CLRN1: variants seen among roughly 807,000 people sequenced by gnomAD.
The protein encoded by CLRN1 is clarin-1.
In CLRN1, 15 loss-of-function variants were observed where a neutral mutation model predicts 18.7. That is an observed-to-expected ratio of 0.80 (90% confidence interval 0.54 to 1.23). CLRN1 has a LOEUF of 1.23. CLRN1 is among the 50% of genes most tolerant of loss of function. The pLI is 0.00. For missense variants in CLRN1, 311 were observed against 277.5 expected, an observed-to-expected ratio of 1.12 and a Z score of -0.86; for synonymous variants, 104 against 102.9, an observed-to-expected ratio of 1.01 and a Z score of -0.07.
intron 2 of CLRN1, among the ~76,000 whole-genome samples, chr3:150,937,811 G>T (rs1240797617): frequency 6.6e-6 from 1 of 152,200 alleles, no homozygotes; most frequent in East Asian, 1.9e-4. Flanking sequence ...TGAGCCAGCT[G>T]TGTGACTGAA....
At chr3:150,943,386 C>T (rs559153199) in intron 1 of CLRN1, among the ~76,000 whole-genome samples, 4 of 152,250 alleles carry the variant, frequency 2.6e-5, no homozygotes, top group East Asian at 1.9e-4. Flanking sequence ...TATAAATACC[C>T]CAGACTCAGC....
chr3:150,972,489 A>G lies in CLRN1; in HGVS notation c.220T>C (p.Cys74Arg). 6.2e-7 allele frequency: 1 copy of G among 1,614,082 alleles called. No individual in the cohort carries two copies. Among genetic ancestry groups the G allele is most frequent in the Non-Finnish European group, 8.5e-7 (1 of 1,180,006 alleles). ...GLFHGEGVRQ[C>R]GLGARPFRFS... ...CGAAAGGGCCTTGCTCCCAACCCAC[A>G]CTGCCTCACACCCTCTCCGTGGAAA... is the stretch of plus-strand genomic sequence containing the variant. The change falls in exon 1 of 3, where the codon TGT (cysteine) becomes CGT (arginine). Residue 74 changes from cysteine (C) to arginine (R), a missense_variant. Physicochemically the swap from Cys to Arg is radical, Grantham distance 180. Coordinates refer to ENST00000327047, the MANE Select transcript of CLRN1 (RefSeq NM_174878.3).
intron 1 of CLRN1, among the ~76,000 whole-genome samples, chr3:150,959,236 T>C (rs1209053064): frequency 1.3e-5 from 2 of 149,624 alleles, no homozygotes; most frequent in Non-Finnish European, 3.0e-5. Flanking sequence ...TCATGGGCAC[T>C]CAATAATCTT....
intron 2 of CLRN1, among the ~76,000 whole-genome samples, chr3:150,940,898 C>G (rs1425861329): frequency 2.0e-5 from 3 of 152,152 alleles, no homozygotes; most frequent in African/African-American, 7.2e-5. Context: ...ATACACCTAG[C>G]ATTAGGCTAC....
chr3:150,962,820 C>T (rs1419844889), intron 1 of CLRN1, among the ~76,000 whole-genome samples: 1 of 152,202 alleles, frequency 6.6e-6, no homozygotes, highest in Non-Finnish European at 1.5e-5. Context: ...AAGCATGTGA[C>T]TTCCTCAACC....
At chr3:150,961,176 C>T (rs925295591) in intron 1 of CLRN1, among the ~76,000 whole-genome samples, 14 of 152,206 alleles carry the variant, frequency 9.2e-5, no homozygotes, top group African/African-American at 3.4e-4. Flanking sequence ...CTCCTTCCCC[C>T]TCCCCTCCTC....
At chr3:150,968,341 G>T (rs1165643836) in intron 1 of CLRN1, among the ~76,000 whole-genome samples, 2 of 152,142 alleles carry the variant, frequency 1.3e-5, no homozygotes, top group Non-Finnish European at 2.9e-5. Context: ...GACATATCAA[G>T]AAAAATTAAG....
At chr3:150,951,655 A>C (rs1450478782) in intron 1 of CLRN1, among the ~76,000 whole-genome samples, 1 of 152,106 alleles carries the variant, frequency 6.6e-6, no homozygotes, top group Non-Finnish European at 1.5e-5. Context: ...GGGTAATTTA[A>C]AAAGAGATGA....
intron 1 of CLRN1, among the ~76,000 whole-genome samples, chr3:150,961,925 C>T (rs1715058547): frequency 6.6e-6 from 1 of 152,116 alleles, no homozygotes; most frequent in Admixed American, 6.5e-5. Flanking sequence ...AATCCATGAC[C>T]CCAGCACTTA....
intron 1 of CLRN1, among the ~76,000 whole-genome samples, chr3:150,959,608 G>C (rs138901041): frequency 7.0e-6 from 1 of 142,748 alleles, no homozygotes; most frequent in Non-Finnish European, 1.5e-5. Flanking sequence ...CAGCCTGGAC[G>C]ACACAGCGAG....
In CLRN1 at chr3:150,972,450, A is replaced by C; in HGVS notation, c.253+6T>G. ...ATTAAATAACTCAAATGCAATTGCT[A>C]CTTACATGAGAACCGAAAGGGCCTT... On this transcript the variant is annotated splice_donor_region_variant and intron_variant, in intron 1 of 2. Coordinates refer to ENST00000327047, the MANE Select transcript of CLRN1 (RefSeq NM_174878.3). 6.2e-7 allele frequency: 1 copy of C among 1,614,190 alleles called. No homozygotes were observed.
chr3:150,936,025 A>T (rs1226716100), intron 2 of CLRN1, among the ~76,000 whole-genome samples: 1 of 151,638 alleles, frequency 6.6e-6, no homozygotes, highest in Non-Finnish European at 1.5e-5. Context: ...GTTTGAGTTC[A>T]CTGTAGATTC....
At chr3:150,933,666 C>A (rs1713291384) in intron 2 of CLRN1, among the ~76,000 whole-genome samples, 1 of 152,114 alleles carries the variant, frequency 6.6e-6, no homozygotes, top group Non-Finnish European at 1.5e-5. Flanking sequence ...GAAGAGAAGA[C>A]GTACATTCTG....
chr3:150,938,330 G>A (rs1713612690), intron 2 of CLRN1, among the ~76,000 whole-genome samples: 2 of 152,150 alleles, frequency 1.3e-5, no homozygotes, highest in Non-Finnish European at 2.9e-5. Flanking sequence ...GCCTCTGAGT[G>A]TGTGACGCAT....
chr3:150,951,803 G>A (rs1714496530), intron 1 of CLRN1, among the ~76,000 whole-genome samples: 1 of 152,140 alleles, frequency 6.6e-6, no homozygotes, highest in Non-Finnish European at 1.5e-5. Flanking sequence ...GAAAGAGAGA[G>A]AGGGGAGGTG....
intron 1 of CLRN1, among the ~76,000 whole-genome samples, chr3:150,944,662 G>T (rs942227407): frequency 1.3e-5 from 2 of 151,986 alleles, no homozygotes; most frequent in African/African-American, 4.8e-5. Flanking sequence ...GACTGAGGCA[G>T]GAGAATTGCT....
intron 2 of CLRN1, among the ~76,000 whole-genome samples, chr3:150,934,403 C>T (rs966088109): frequency 6.6e-6 from 1 of 152,078 alleles, no homozygotes; most frequent in East Asian, 1.9e-4. Context: ...ACTCATGACG[C>T]TATGTGTAAG....
rs149072110 is a variant in CLRN1, at chr3:150,929,182, G to A, written c.434-981C>T. Among the ~76,000 whole-genome samples the A allele has an allele frequency of 1.2e-3, 176 of 152,304 alleles. 1 individual carries two copies. Among genetic ancestry groups the A allele is most frequent in the African/African-American group, 4.0e-3 (168 of 41,562 alleles). On this transcript the variant is annotated intron_variant, in intron 2 of 2. Transcript: ENST00000327047. ...CCCCCTCATCTATCACTCATTGGTA[G>A]CCTAATTTTAACAGATGTAGCTGTG...
chr3:150,930,819 A>ACTGCT (rs1713096482), intron 2 of CLRN1, among the ~76,000 whole-genome samples: 1 of 152,200 alleles, frequency 6.6e-6, no homozygotes, highest in African/African-American at 2.4e-5. Context: ...TTTCAAAGGT[A>ACTGCT]CTGCTTTGTT....
Sources: allele counts gnomAD v4.1 joint callset (sites outside exome capture counted in the v4.1 genomes callset), GRCh38; gene constraint gnomAD v4.1.1; transcripts MANE v1.5; gene names NCBI Gene and HGNC (gene_info 2026-07-23, HGNC 2026-07-21).